The following TADA2A variants were observed in gnomAD, a reference collection of about 807,000 sequenced individuals.
The protein encoded by TADA2A is transcriptional adapter 2-alpha.
In TADA2A, 38 loss-of-function variants were observed where a neutral mutation model predicts 67.4. The observed-to-expected ratio is 0.56, with a 90% confidence interval of 0.44 to 0.74. The LOEUF (loss-of-function observed/expected upper bound fraction) is 0.74, where lower values mean the gene tolerates loss of function less well. Among genes scored for constraint, TADA2A ranks in the 30% least tolerant of loss-of-function variants. TADA2A has a pLI of 0.00. For synonymous variants in TADA2A, 192 were observed against 181.6 expected (o/e 1.06, Z -0.46); for missense variants, 454 against 547.0 (o/e 0.83, Z 1.70).
intron 2 of TADA2A, among the ~76,000 whole-genome samples, chr17:37,415,874 CAA>C (rs35954525): frequency 1.0e-4 from 11 of 105,824 alleles, no homozygotes; most frequent in East Asian, 5.2e-4. Context: ...AACTCCTTCT[CAA>C]AAAAAAAAAA....
intron 8 of TADA2A, among the ~76,000 whole-genome samples, chr17:37,455,331 C>A (rs1352625078): frequency 1.4e-5 from 2 of 141,414 alleles, no homozygotes; most frequent in Non-Finnish European, 3.1e-5. Context: ...AAAAAAAAAA[C>A]CTGTGGGAGT....
chr17:37,470,414 G>A lies in TADA2A; in HGVS notation c.910G>A (p.Asp304Asn), dbSNP rs528499631. ...TATACCCCCAGGTGCCAGAACCTAC[G>A]ATCACCTCAAGAAGACACGGGAGGA... is the stretch of plus-strand genomic sequence containing the variant. ...ITNFCSARTY[D>N]HLKKTREEER... Residue 304 changes from aspartate (D) to asparagine (N), a missense_variant, in exon 13 of 16, where the codon GAT becomes AAT. Asp to Asn is a conservative substitution (Grantham distance 23). Transcript: ENST00000615182. The A allele has an allele frequency of 3.2e-5, 52 of 1,613,584 alleles. No individual in the cohort carries two copies. Among genetic ancestry groups the A allele is most frequent in the Admixed American group, 5.0e-5 (3 of 59,918 alleles).
chr17:37,432,687 GT>G (rs1462826061), intron 4 of TADA2A, among the ~76,000 whole-genome samples: 2 of 152,138 alleles, frequency 1.3e-5, no homozygotes, highest in Admixed American at 6.6e-5. Flanking sequence ...ATGTACATAT[GT>G]TTTCACTGTT....
chr17:37,445,239 T>C (rs771602184), intron 8 of TADA2A, among the ~76,000 whole-genome samples: 1 of 152,224 alleles, frequency 6.6e-6, no homozygotes, highest in African/African-American at 2.4e-5. Context: ...TTCTCAGGAC[T>C]GTTGAATTTT....
At chr17:37,422,599 C>T (rs1235491612) in intron 2 of TADA2A, among the ~76,000 whole-genome samples, 1 of 151,574 alleles carries the variant, frequency 6.6e-6, no homozygotes. Context: ...CTTTGCCTTC[C>T]GGGTTCAAGT....
intron 13 of TADA2A, 71 bp downstream of exon 13, chr17:37,470,603 C>T (rs962371145): frequency 5.6e-6 from 8 of 1,432,582 alleles, no homozygotes; most frequent in Non-Finnish European, 7.4e-6. Flanking sequence ...TATTTTTGGG[C>T]ACCCTAGATG....
At chr17:37,419,956 A>G (rs1432338181) in intron 2 of TADA2A, among the ~76,000 whole-genome samples, 1 of 145,238 alleles carries the variant, frequency 6.9e-6, no homozygotes, top group Admixed American at 7.0e-5. Flanking sequence ...TGGAGCTTGC[A>G]GTGAGCTGAG....
At chr17:37,422,509 A>T (rs1466405732) in intron 2 of TADA2A, among the ~76,000 whole-genome samples, 5 of 144,494 alleles carry the variant, frequency 3.5e-5, no homozygotes, top group African/African-American at 1.3e-4. Flanking sequence ...TATTATTATT[A>T]TTATTATTAT....
rs145629267 is a variant in TADA2A at position 37,456,074 on chromosome 17, C to A, written c.605-2450C>A. 6.9e-3 allele frequency among the ~76,000 whole-genome samples: 1,055 copies of A among 152,194 alleles called. 4 individuals carry two copies. The highest frequency in any genetic ancestry group is 0.024 in the African/African-American group (985 of 41,518). On this transcript the variant is annotated intron_variant, in intron 8 of 15. Coordinates refer to ENST00000615182, the MANE Select transcript of TADA2A (RefSeq NM_001166105.3). ...CAAAAATTAGCCAGGCATGGTGGCG[C>A]ACACCTGTAATCCCAGCTACTTGGG...
chr17:37,437,871 CAG>C, intron 5 of TADA2A, 42 bp downstream of exon 5: 1 of 1,552,902 alleles, frequency 6.4e-7, no homozygotes, highest in Non-Finnish European at 8.9e-7. Flanking sequence ...CTAGTGGACT[CAG>C]AGAAGAAGCT....
chr17:37,475,611 G>A (rs1004902711), intron 15 of TADA2A, among the ~76,000 whole-genome samples: 2 of 151,928 alleles, frequency 1.3e-5, no homozygotes, highest in African/African-American at 2.4e-5. Flanking sequence ...GACTACAGGC[G>A]CATACCACCA....
At chr17:37,474,911 ATG>A (rs1486668840) in intron 15 of TADA2A, among the ~76,000 whole-genome samples, 6 of 152,178 alleles carry the variant, frequency 3.9e-5, no homozygotes, top group Non-Finnish European at 7.4e-5. Context: ...AGCACTTACC[ATG>A]TGCTACTCTA....
intron 4 of TADA2A, among the ~76,000 whole-genome samples, chr17:37,433,087 T>C (rs1176087810): frequency 6.6e-6 from 1 of 151,884 alleles, no homozygotes; most frequent in Non-Finnish European, 1.5e-5. Flanking sequence ...TTTGGTCTTA[T>C]TTTAGAATAA....
At position 37,411,298 on chromosome 17, in the gene TADA2A, G is replaced by A. The variant is rs2051858153; in HGVS notation, c.-68G>A. ...TCATCAAGCTTTGGTGTATGTGTTG[G>A]CCGGTTCTGAAGTCTTGAAGAAGCT... On this transcript the variant is annotated 5_prime_UTR_variant, in exon 2 of 16. It introduces an in-frame stop codon into an upstream open reading frame of the 5' UTR. Transcript: ENST00000615182. 2 of 1,512,964 alleles carry A rather than the reference G, an allele frequency of 1.3e-6. No individual in the cohort carries two copies. Among genetic ancestry groups the A allele is most frequent in the South Asian group, 1.1e-5 (1 of 88,996 alleles). The allele number at this position is 1,512,964 out of a possible 1,614,324, so 93.7% of individuals were successfully genotyped here.
At position 37,476,955 on chromosome 17, in the gene TADA2A, C is replaced by A. The variant is rs762771118; in HGVS notation, c.1305C>A (p.Ile435=). 1.2e-5 allele frequency: 19 copies of A among 1,613,634 alleles called. No homozygotes were observed. The highest frequency in any genetic ancestry group is 1.6e-4 in the Middle Eastern group (1 of 6,084). The part of the protein sequence containing the change: ...NKTRKIYDFL[I]REGYITKG ...CCCGGAAAATCTATGATTTCCTCAT[C>A]AGAGAAGGATACATCACTAAAGGCT... is the stretch of plus-strand genomic sequence containing the variant. The change falls in exon 16 of 16, where the codon ATC becomes ATA. Residue 435 remains isoleucine (I), a synonymous_variant. Transcript: ENST00000615182.
intron 4 of TADA2A, among the ~76,000 whole-genome samples, chr17:37,433,289 A>C (rs745454033): frequency 1.3e-5 from 2 of 151,998 alleles, no homozygotes; most frequent in African/African-American, 2.4e-5. Context: ...TGTAGTATAG[A>C]GAGTTCCCAT....
rs2053951555 is a variant in TADA2A, at chr17:37,479,722, T to C, written c.*2740T>C. 6.6e-6 allele frequency: 1 copy of C among 152,232 alleles called. No individual in the cohort carries two copies. The highest frequency in any genetic ancestry group is 2.1e-4 in the South Asian group (1 of 4,828). The allele number at this position is 152,232 out of a possible 1,614,324, so 9.4% of individuals were successfully genotyped here. A position where few individuals can be genotyped will look rare whatever the true frequency, so the allele number is the denominator to read the frequency against. ...GTGGGAAATAAAGAACAAATCTCTT[T>C]CCATGTAATGACTCTTCTCTGTGCT... On this transcript the variant is annotated 3_prime_UTR_variant, in exon 16 of 16. Transcript: ENST00000615182.
In TADA2A at chr17:37,422,429, C is replaced by T. The variant is rs139175348; in HGVS notation, c.26-1080C>T. ...CTCCTAAGAGCAGGCAATCTGCCTGCCTCAGCCTCCCAAAGTGCTGGGATT... is the reference window on the plus strand; with the variant it reads ...CTCCTAAGAGCAGGCAATCTGCCTGTCTCAGCCTCCCAAAGTGCTGGGATT... On this transcript the variant is annotated intron_variant, in intron 2 of 15. Transcript: ENST00000615182. 6.3e-3 allele frequency among the ~76,000 whole-genome samples: 948 copies of T among 151,436 alleles called. 13 individuals are homozygous for T. The highest frequency in any genetic ancestry group is 0.022 in the African/African-American group (890 of 41,320).
intron 5 of TADA2A, among the ~76,000 whole-genome samples, chr17:37,439,064 A>G (rs1776156007): frequency 6.6e-6 from 1 of 152,144 alleles, no homozygotes; most frequent in African/African-American, 2.4e-5. Flanking sequence ...ACCTTGAGGA[A>G]AGGACTTCCA....
Sources: allele counts gnomAD v4.1 joint callset (sites outside exome capture counted in the v4.1 genomes callset), GRCh38; gene constraint gnomAD v4.1.1; transcripts MANE v1.5; gene names NCBI Gene and HGNC (gene_info 2026-07-23, HGNC 2026-07-21).